RNF20: variants seen among roughly 807,000 people sequenced by gnomAD.
The protein encoded by RNF20 is E3 ubiquitin-protein ligase BRE1A.
A neutral mutation model predicts 126.2 loss-of-function variants in RNF20; 84 were observed. That is an observed-to-expected ratio of 0.67 (90% CI 0.56 to 0.80). The LOEUF (loss-of-function observed/expected upper bound fraction) is 0.80. RNF20 is among the 30% of genes least tolerant of loss of function. The probability of loss-of-function intolerance (pLI) is 0.00; values close to 1 mark genes in which losing one functional copy is unlikely to be tolerated. For missense variants in RNF20, 869 were observed against 1,188.2 expected (o/e 0.73, Z 3.95); for synonymous variants, 400 against 414.3 (o/e 0.97, Z 0.42).
chr9:101,551,320 A>G (rs1049274185), intron 10 of RNF20, among the ~76,000 whole-genome samples: 1 of 152,168 alleles, frequency 6.6e-6, no homozygotes, highest in Non-Finnish European at 1.5e-5. Flanking sequence ...CCAGTAGATG[A>G]TTTTTTTAAA....
chr9:101,553,956 T>A (rs773314024), intron 13 of RNF20, 32 bp from the exon 14 acceptor site: 8 of 1,239,578 alleles, frequency 6.5e-6, no homozygotes, highest in Non-Finnish European at 9.4e-6. Context: ...TCTTATTACA[T>A]TGTTCCCCTC....
intron 1 of RNF20, among the ~76,000 whole-genome samples, chr9:101,535,184 G>C (rs983840131): frequency 1.3e-5 from 2 of 151,724 alleles, no homozygotes; most frequent in Non-Finnish European, 2.9e-5. Flanking sequence ...TGGGATTACA[G>C]ACATGAGCCA....
rs541429068 is a variant in RNF20 at position 101,551,885 on chromosome 9, A to G, written c.1408+66A>G. 328 of 1,512,414 alleles carry G rather than the reference A, an allele frequency of 2.2e-4. 1 individual carries two copies. In the African/African-American group the frequency reaches 3.8e-3, roughly 18 times the overall value. The allele number at this position is 1,512,414 out of a possible 1,614,324, so 93.7% of individuals were successfully genotyped here. ...ACCTTCCTTGAAAGATACAACACAG[A>G]CCCCAGGGTTTGTTAATGCTGACTT... is the stretch of plus-strand genomic sequence containing the variant. On this transcript the variant is annotated intron_variant, in intron 11 of 19. Coordinates refer to ENST00000389120, the MANE Select transcript of RNF20 (RefSeq NM_019592.7).
rs1297387360 is a variant in RNF20, at chr9:101,556,093, C to G, written c.2169+1250C>G. On this transcript the variant is annotated intron_variant, in intron 15 of 19. Coordinates refer to ENST00000389120, the MANE Select transcript of RNF20 (RefSeq NM_019592.7). Reference sequence around the variant, plus strand: ...TCTAGAACAAGTAAAAAGAAAGACACTATGTTCTTGTATACGATGACTATC... The same window carrying G: ...TCTAGAACAAGTAAAAAGAAAGACAGTATGTTCTTGTATACGATGACTATC... 2.6e-5 allele frequency among the ~76,000 whole-genome samples: 4 copies of G among 151,736 alleles called. No homozygotes were observed. The East Asian group carries it at 7.7e-4, about 29-fold the overall frequency.
At position 101,562,025 on chromosome 9, in the gene RNF20, C is replaced by A; in HGVS notation, c.2751+14C>A. ...AAGGATTACAAGGTTAGAAAAAATG[C>A]CTTAGTGATTAGTTTTTTGTCAAAG... On this transcript the variant is annotated intron_variant, in intron 19 of 19. Transcript: ENST00000389120. The A allele has an allele frequency of 6.4e-7, 1 of 1,561,512 alleles. No homozygotes were observed. The highest frequency in any genetic ancestry group is 1.1e-5 in the South Asian group (1 of 87,788).
intron 16 of RNF20, among the ~76,000 whole-genome samples, chr9:101,558,568 A>G (rs1287283260): frequency 6.6e-6 from 1 of 152,030 alleles, no homozygotes; most frequent in Admixed American, 6.6e-5. Flanking sequence ...GCCAACACCT[A>G]TTATTTTTTG....
intron 16 of RNF20, among the ~76,000 whole-genome samples, chr9:101,558,087 G>A (rs1481666035): frequency 1.3e-5 from 2 of 150,596 alleles, no homozygotes; most frequent in Non-Finnish European, 3.0e-5. Flanking sequence ...CTTTAGTGGT[G>A]ATACCAAGAT....
chr9:101,554,972 G>T (rs1023669841), intron 15 of RNF20, 129 bp downstream of exon 15: 8 of 586,398 alleles, frequency 1.4e-5, no homozygotes, highest in Admixed American at 4.0e-5. Flanking sequence ...TCCTTTTTGT[G>T]TGTGTGTTTT....
chr9:101,559,112 A>G (rs1210831139), intron 16 of RNF20, among the ~76,000 whole-genome samples: 5 of 152,110 alleles, frequency 3.3e-5, no homozygotes, highest in East Asian at 1.9e-4. Flanking sequence ...CCATTCTTCT[A>G]CATGTGGCTT....
chr9:101,540,518 AACGTTATG>A lies in RNF20; in HGVS notation c.328_335del (p.Arg110SerfsTer19), dbSNP rs1484683907. 6.2e-7 allele frequency: 1 copy of A among 1,613,862 alleles called. No homozygotes were observed. The highest frequency in any genetic ancestry group is 8.5e-7 in the Non-Finnish European group (1 of 1,179,996). ...GATGAAAACATCCGTATCATCCTTA[AACGTTATG>A]ATCTGGAGCAGGGCTTGGGAGACCT... On this transcript the variant is annotated frameshift_variant, in exon 4 of 20. Coordinates refer to ENST00000389120, the MANE Select transcript of RNF20 (RefSeq NM_019592.7). LOFTEE classifies it high-confidence loss of function.
chr9:101,534,826 T>C (rs924961616), intron 1 of RNF20, among the ~76,000 whole-genome samples: 7 of 152,304 alleles, frequency 4.6e-5, no homozygotes, highest in Admixed American at 3.9e-4. Context: ...CTTCACCCTT[T>C]GCCCATTGTC....
chr9:101,557,610 G>C lies in RNF20; in HGVS notation c.2382+14G>C. 6.3e-7 allele frequency: 1 copy of C among 1,578,518 alleles called. No homozygotes were observed. ...CTGAAGACTCAGGTAATTAGGATGAGTAGAGCTTTCTATTCTGTTGAAATA... is the reference window on the plus strand; with the variant it reads ...CTGAAGACTCAGGTAATTAGGATGACTAGAGCTTTCTATTCTGTTGAAATA... On this transcript the variant is annotated intron_variant, in intron 16 of 19. Coordinates refer to ENST00000389120, the MANE Select transcript of RNF20 (RefSeq NM_019592.7).
At chr9:101,541,056 C>T (rs1288330366) in intron 5 of RNF20, 81 bp downstream of exon 5, 1 of 1,042,642 alleles carries the variant, frequency 9.6e-7, no homozygotes, top group Non-Finnish European at 1.4e-6. Context: ...AGTTTGCAAG[C>T]TTACATATTT....
chr9:101,534,380 CA>C (rs1319540468), intron 1 of RNF20: 1 of 152,164 alleles, frequency 6.6e-6, no homozygotes, highest in African/African-American at 2.4e-5. Context: ...TTCACTGTTT[CA>C]AAGCAACACG....
chr9:101,539,689 A>C (rs1160426817), intron 2 of RNF20, among the ~76,000 whole-genome samples: 2 of 152,198 alleles, frequency 1.3e-5, no homozygotes, highest in African/African-American at 4.8e-5. Flanking sequence ...TTTGAAGTGC[A>C]TGGCTGAAGC....
In RNF20 at chr9:101,535,411, T is replaced by A. The variant is rs7872953; in HGVS notation, c.-13T>A. On this transcript the variant is annotated 5_prime_UTR_variant, in exon 2 of 20. Transcript: ENST00000389120. ...TTTTTCTATCAGGAAAACGACTGTC[T>A]TCTTCTGCCAAAATGTCAGGAATTG... 0.063 allele frequency: 100,960 copies of A among 1,610,810 alleles called. 3,464 individuals carry two copies. The highest frequency in any genetic ancestry group is 0.11 in the Admixed American group (6,357 of 59,256).
At chr9:101,562,126 G>T in intron 19 of RNF20, 115 bp downstream of exon 19, 1 of 1,308,122 alleles carries the variant, frequency 7.6e-7, no homozygotes, top group Non-Finnish European at 1.1e-6. Context: ...GGAGGTTGGG[G>T]GGAAATGATG....
Position 101,546,834 on chromosome 9 carries a change from G to C in RNF20, c.762G>C (p.Gln254His), listed in dbSNP as rs1274399406. 15 of 1,614,064 alleles carry C rather than the reference G, an allele frequency of 9.3e-6. No homozygotes were observed. The highest frequency in any genetic ancestry group is 1.3e-5 in the African/African-American group (1 of 74,924). Residue 254 changes from glutamine to histidine, a missense_variant, in exon 7 of 20, where the codon CAG becomes CAC. Physicochemically the swap from Gln to His is conservative, Grantham distance 24. This residue lies in a region of RNF20 where 103 missense variants were observed against 94.3 expected (regional missense o/e 1.09). Coordinates refer to ENST00000389120, the MANE Select transcript of RNF20 (RefSeq NM_019592.7). ...RTMSQEFSKL[Q>H]SKVETAESRV... ...TTGGGATGTAGTTCTCCAAGTTGCA[G>C]AGTAAAGTGGAGACAGCCGAATCAC...
intron 13 of RNF20, among the ~76,000 whole-genome samples, chr9:101,553,672 T>C (rs1827484869): frequency 6.6e-6 from 1 of 152,146 alleles, no homozygotes; most frequent in South Asian, 2.1e-4. Flanking sequence ...TCCCCAGACC[T>C]ACTGAATCTC....
Sources: gnomAD v4.1 joint callset for allele counts (sites outside exome capture counted in the v4.1 genomes callset) on GRCh38, gnomAD v4.1.1 for gene constraint, gnomAD v4.1.1 regional missense constraint, MANE v1.5 for transcripts, NCBI Gene and HGNC (gene_info 2026-07-23, HGNC 2026-07-21) for gene names.